Variants in TMTC4 observed in about 807,000 individuals in gnomAD.
The protein encoded by TMTC4 is protein O-mannosyl-transferase TMTC4.
TMTC4 carries 65 observed loss-of-function variants against 86.0 expected under a neutral mutation model. That is an observed-to-expected ratio of 0.76 (90% confidence interval 0.62 to 0.93). TMTC4 has a LOEUF of 0.93. Ranked by LOEUF, TMTC4 falls within the 40% of genes least tolerant of loss-of-function variation. TMTC4 has a pLI of 0.00. For synonymous variants in TMTC4, 379 were observed against 382.5 expected, an observed-to-expected ratio of 0.99 and a Z score of 0.11; for missense variants, 866 against 948.1, an observed-to-expected ratio of 0.91 and a Z score of 1.14.
At chr13:100,633,215 A>G (rs1381761487) in intron 12 of TMTC4, among the ~76,000 whole-genome samples, 2 of 147,520 alleles carry the variant, frequency 1.4e-5, no homozygotes, top group African/African-American at 5.0e-5. Context: ...AGGCTGAGGC[A>G]GGAGAATCGC....
chr13:100,619,207 C>A (rs1382743163), intron 15 of TMTC4, among the ~76,000 whole-genome samples: 2 of 152,142 alleles, frequency 1.3e-5, no homozygotes, highest in Non-Finnish European at 2.9e-5. Context: ...GGCGGCCGGC[C>A]GGGCAGAGGG....
intron 17 of TMTC4, among the ~76,000 whole-genome samples, chr13:100,609,405 A>C (rs975840448): frequency 6.6e-6 from 1 of 152,194 alleles, no homozygotes; most frequent in African/African-American, 2.4e-5. Context: ...AAAATATCAT[A>C]AAGGTGTGAC....
intron 17 of TMTC4, among the ~76,000 whole-genome samples, chr13:100,608,683 A>G (rs1428495136): frequency 6.6e-5 from 10 of 152,218 alleles, no homozygotes; most frequent in African/African-American, 2.4e-4. Flanking sequence ...GGCCTCATTC[A>G]GGAAAGCAGT....
At chr13:100,635,804 G>A (rs1277540717) in intron 10 of TMTC4, 1 of 152,686 alleles carries the variant, frequency 6.5e-6, no homozygotes, top group East Asian at 1.9e-4. Flanking sequence ...GATGAATTAA[G>A]ACTCTAGGTC....
chr13:100,612,553 T>C (rs761013964), intron 16 of TMTC4, 43 bp from the exon 17 acceptor site: 96 of 1,456,076 alleles, frequency 6.6e-5, no homozygotes, highest in Non-Finnish European at 9.0e-5. Context: ...GTTAATGTTG[T>C]ACTCGCATTT....
At chr13:100,618,273 G>A (rs537395462) in intron 15 of TMTC4, among the ~76,000 whole-genome samples, 27 of 152,126 alleles carry the variant, frequency 1.8e-4, no homozygotes, top group Admixed American at 1.5e-3. Flanking sequence ...GAATCACACC[G>A]TCCATGAAGA....
chr13:100,673,424 C>T, intron 1 of TMTC4: 1 of 909,886 alleles, frequency 1.1e-6, no homozygotes, highest in Non-Finnish European at 1.3e-6. Flanking sequence ...TCATCTGTAA[C>T]ATTCAATCAC....
chr13:100,617,351 G>A (rs1337113926), intron 15 of TMTC4, among the ~76,000 whole-genome samples: 2 of 152,276 alleles, frequency 1.3e-5, no homozygotes, highest in Admixed American at 1.3e-4. Context: ...TGCCCAGGCT[G>A]GCTTCAAACT....
At position 100,610,482 on chromosome 13, in the gene TMTC4, TCCC is replaced by T. The variant is rs377425967; in HGVS notation, c.2064+1913_2064+1915del. Among the ~76,000 whole-genome samples the T allele has an allele frequency of 1.0e-3, 158 of 152,310 alleles. 1 individual carries two copies. The East Asian group carries it at 0.012, about 11-fold the overall frequency. On this transcript the variant is annotated intron_variant, in intron 17 of 18. Coordinates refer to ENST00000342624, the MANE Select transcript of TMTC4 (RefSeq NM_032813.5). ...CCATGGCTCAGGAAGTCACATCATG[TCCC>T]CCAACTTGGTAGCTCCTGAAGATCT...
intron 15 of TMTC4, among the ~76,000 whole-genome samples, chr13:100,619,393 A>C (rs1422741395): frequency 6.6e-6 from 1 of 151,426 alleles, no homozygotes. Flanking sequence ...ATTTTTTAGC[A>C]GGTGACCCTG....
At chr13:100,666,219 A>G in intron 3 of TMTC4, 1 of 349,768 alleles carries the variant, frequency 2.9e-6, no homozygotes, top group Middle Eastern at 6.9e-4. Flanking sequence ...CTCAAGGAAC[A>G]AAAAAGGCAA....
intron 6 of TMTC4, 49 bp from the exon 7 acceptor site, chr13:100,642,360 A>C: frequency 3.1e-6 from 5 of 1,597,702 alleles, no homozygotes; most frequent in Non-Finnish European, 4.3e-6. Flanking sequence ...AATGCAGCTC[A>C]GTTTTTTAGC....
chr13:100,658,387 G>A (rs1885363257), intron 5 of TMTC4, among the ~76,000 whole-genome samples: 1 of 152,192 alleles, frequency 6.6e-6, no homozygotes, highest in Non-Finnish European at 1.5e-5. Context: ...AGGAGGACAT[G>A]AGAGGAGACA....
chr13:100,655,589 G>A (rs566143620), intron 6 of TMTC4, among the ~76,000 whole-genome samples: 68 of 152,288 alleles, frequency 4.5e-4, no homozygotes, highest in Non-Finnish European at 7.6e-4. Flanking sequence ...TGGGAGATTT[G>A]TAATCATCAT....
chr13:100,651,139 T>A (rs917263718), intron 6 of TMTC4, among the ~76,000 whole-genome samples: 1 of 152,176 alleles, frequency 6.6e-6, no homozygotes, highest in Non-Finnish European at 1.5e-5. Flanking sequence ...CTCCCCACTA[T>A]AAATGAGAAT....
rs527701135 is a variant in TMTC4, at chr13:100,654,645, G to T, written c.640+1736C>A. On this transcript the variant is annotated intron_variant, in intron 6 of 18. Transcript: ENST00000342624. ...AAAACAGAAAAAAGAAGAGTAAAAG[G>T]TTCCAGAAAAAGAATATAAAATGTC... 2.2e-3 allele frequency among the ~76,000 whole-genome samples: 332 copies of T among 152,014 alleles called. 2 individuals are homozygous for T. The highest frequency in any genetic ancestry group is 6.8e-3 in the African/African-American group (283 of 41,486).
intron 15 of TMTC4, among the ~76,000 whole-genome samples, chr13:100,623,413 A>G (rs1879852856): frequency 6.6e-6 from 1 of 152,092 alleles, no homozygotes; most frequent in Admixed American, 6.6e-5. Context: ...TTGTATTTTT[A>G]GTAGAGATGT....
At chr13:100,654,604 T>C (rs1884848297) in intron 6 of TMTC4, among the ~76,000 whole-genome samples, 1 of 152,008 alleles carries the variant, frequency 6.6e-6, no homozygotes. Flanking sequence ...TATATTAATA[T>C]ACAAATTTGT....
intron 12 of TMTC4, 58 bp downstream of exon 12, chr13:100,634,747 A>G: frequency 6.4e-7 from 1 of 1,567,948 alleles, no homozygotes; most frequent in South Asian, 1.2e-5. Context: ...TATTCAGCCC[A>G]AGAACTTAAC....
Sources: allele counts gnomAD v4.1 joint callset (sites outside exome capture counted in the v4.1 genomes callset), GRCh38; gene constraint gnomAD v4.1.1; transcripts MANE v1.5; gene names NCBI Gene and HGNC (gene_info 2026-07-23, HGNC 2026-07-21).